Variants in TTC28 observed in about 807,000 individuals in gnomAD.
TTC28 encodes the protein tetratricopeptide repeat domain 28, also known as tetratricopeptide repeat protein 28.
Under a neutral mutation model 198.0 loss-of-function variants are expected in TTC28, and 61 were observed. The observed-to-expected ratio is 0.31, with a 90% CI of 0.25 to 0.38. The LOEUF is 0.38. Among genes scored for constraint, TTC28 ranks in the 10% least tolerant of loss-of-function variants. The pLI is 1.00. For missense variants in TTC28, 2,678 were observed against 3,164.0 expected (o/e 0.85, Z 3.69); for synonymous variants, 1,171 against 1,297.8 (o/e 0.90, Z 2.10).
Position 27,982,288 on chromosome 22 carries a change from C to T in TTC28, c.7379G>A (p.Arg2460Lys). 2.0e-6 allele frequency: 3 copies of T among 1,491,806 alleles called. No homozygotes were observed. The highest frequency in any genetic ancestry group is 2.7e-5 in the South Asian group (2 of 73,802). 92.4% of individuals were successfully genotyped at this position (1,491,806 alleles called of 1,614,324 possible). A position where few individuals can be genotyped will look rare whatever the true frequency, so the allele number is the denominator to read the frequency against. ...CTTGTAGCCATTTCCAGAAGGAAGC[C>T]TCAAAGGGCGCGCGGGGGCTGTGGC... Reference protein sequence around the residue: ...PPATAPARPLRLPSGNGYKFL... With the variant: ...PPATAPARPLKLPSGNGYKFL... The change falls in exon 23 of 23, where the codon AGG (arginine) becomes AAG (lysine). Residue 2460 changes from arginine to lysine, a missense_variant. Arg to Lys is a conservative substitution (Grantham distance 26). Transcript: ENST00000397906. The surrounding 1 kb of genome is among the most constrained non-coding windows in gnomAD (Gnocchi z 5.2).
intron 12 of TTC28, among the ~76,000 whole-genome samples, chr22:28,031,693 A>G (rs1271108212): frequency 6.6e-6 from 1 of 152,180 alleles, no homozygotes; most frequent in South Asian, 2.1e-4. Flanking sequence ...TGAATGCTCT[A>G]TGTGAACACC....
chr22:28,019,493 G>A (rs1938506231), intron 13 of TTC28, among the ~76,000 whole-genome samples: 1 of 152,166 alleles, frequency 6.6e-6, no homozygotes, highest in South Asian at 2.1e-4. Context: ...GTGGTTTTGG[G>A]CCTCTGAGTC....
chr22:28,204,597 G>C (rs939802907), intron 5 of TTC28, among the ~76,000 whole-genome samples: 1 of 151,884 alleles, frequency 6.6e-6, no homozygotes. Flanking sequence ...TCATCACTCC[G>C]TGAAAGACTA....
At chr22:28,015,353 T>A (rs1439774657) in intron 13 of TTC28, among the ~76,000 whole-genome samples, 1 of 150,320 alleles carries the variant, frequency 6.7e-6, no homozygotes, top group Non-Finnish European at 1.5e-5. Flanking sequence ...TGTGCCTGAT[T>A]ACTGGACAGA....
chr22:28,339,990 G>A (rs1368041606), intron 2 of TTC28, among the ~76,000 whole-genome samples: 1 of 152,140 alleles, frequency 6.6e-6, no homozygotes, highest in East Asian at 1.9e-4. Flanking sequence ...GCCTACGCTG[G>A]GAGCTGTAGA....
intron 12 of TTC28, among the ~76,000 whole-genome samples, chr22:28,088,060 T>A (rs550333819): frequency 1.3e-5 from 2 of 152,254 alleles, no homozygotes; most frequent in South Asian, 2.1e-4. Flanking sequence ...ATAGGAAGAA[T>A]CATTATTGTG....
At chr22:28,618,543 G>C (rs1297034875) in intron 2 of TTC28, among the ~76,000 whole-genome samples, 1 of 151,854 alleles carries the variant, frequency 6.6e-6, no homozygotes, top group African/African-American at 2.4e-5. Flanking sequence ...TTAGCCGGGC[G>C]TGGTAGCGCA....
rs570359760 is a variant in TTC28 at position 28,279,173 on chromosome 22, T to C, written c.933+17025A>G. ...TAAGATTCTACAACTCCTAACATTT[T>C]GCTAAATGTGCTTTATAACATATCT... is the stretch of plus-strand genomic sequence containing the variant. On this transcript the variant is annotated intron_variant, in intron 5 of 22. Coordinates refer to ENST00000397906, the MANE Select transcript of TTC28 (RefSeq NM_001145418.2). Among the ~76,000 whole-genome samples, 45 of 152,346 alleles carry C rather than the reference T, an allele frequency of 3.0e-4. No homozygotes were observed. The South Asian group carries it at 5.0e-3, about 17-fold the overall frequency.
At chr22:28,525,850 A>C (rs1484983174) in intron 2 of TTC28, among the ~76,000 whole-genome samples, 1 of 152,258 alleles carries the variant, frequency 6.6e-6, no homozygotes, top group African/African-American at 2.4e-5. Context: ...CATAAGTAAC[A>C]GGACTTAAAA....
intron 19 of TTC28, 62 bp downstream of exon 19, chr22:27,992,525 C>T: frequency 9.2e-6 from 14 of 1,522,006 alleles, no homozygotes; most frequent in South Asian, 1.2e-5. Context: ...GGCCAAGTTG[C>T]TCTGCCTTTC....
chr22:28,633,491 G>A (rs2051214226), intron 1 of TTC28, among the ~76,000 whole-genome samples: 1 of 151,628 alleles, frequency 6.6e-6, no homozygotes, highest in South Asian at 2.1e-4. Context: ...TAGCTGAGTG[G>A]GTGACACGCA....
intron 2 of TTC28, among the ~76,000 whole-genome samples, chr22:28,474,180 G>A (rs1279500614): frequency 6.6e-6 from 1 of 152,128 alleles, no homozygotes; most frequent in Admixed American, 6.6e-5. Flanking sequence ...AGGAGAAGAG[G>A]CAAAGACAGC....
chr22:28,533,012 T>C (rs187620367), intron 2 of TTC28, among the ~76,000 whole-genome samples: 217 of 152,288 alleles, frequency 1.4e-3, no homozygotes, highest in Middle Eastern at 6.8e-3. Context: ...AGGGATGCCC[T>C]CTCTCACAAC....
chr22:28,144,949 G>A (rs1485457817), intron 6 of TTC28, among the ~76,000 whole-genome samples: 1 of 152,200 alleles, frequency 6.6e-6, no homozygotes, highest in Non-Finnish European at 1.5e-5. Flanking sequence ...TATGAAGTTG[G>A]GAGGAACCTG....
At chr22:28,461,781 T>C (rs1164607478) in intron 2 of TTC28, among the ~76,000 whole-genome samples, 1 of 152,176 alleles carries the variant, frequency 6.6e-6, no homozygotes, top group Non-Finnish European at 1.5e-5. Flanking sequence ...TCACCAATCC[T>C]GTCCTCCTTG....
chr22:28,106,543 A>C (rs1465658032), intron 7 of TTC28, among the ~76,000 whole-genome samples: 1 of 152,178 alleles, frequency 6.6e-6, no homozygotes, highest in East Asian at 1.9e-4. Context: ...ATATCTGTGC[A>C]AGGGACCTTG....
intron 2 of TTC28, among the ~76,000 whole-genome samples, chr22:28,455,330 T>A (rs1378703669): frequency 1.3e-5 from 2 of 152,234 alleles, no homozygotes; most frequent in Non-Finnish European, 2.9e-5. Context: ...TTCTAATTAT[T>A]TTCCTTCTTC....
intron 2 of TTC28, among the ~76,000 whole-genome samples, chr22:28,486,566 C>A (rs2048317418): frequency 6.6e-6 from 1 of 152,106 alleles, no homozygotes; most frequent in Admixed American, 6.6e-5. Flanking sequence ...TCAATACCTT[C>A]CTTGGTTGAA....
intron 12 of TTC28, among the ~76,000 whole-genome samples, chr22:28,068,950 A>AT (rs1171441814): frequency 1.3e-5 from 2 of 152,058 alleles, no homozygotes; most frequent in Admixed American, 1.3e-4. Flanking sequence ...AGATTTCTCT[A>AT]TTTTTTCATC....
Sources: allele counts gnomAD v4.1 joint callset (sites outside exome capture counted in the v4.1 genomes callset), GRCh38; gene constraint gnomAD v4.1.1; non-coding constraint Gnocchi (gnomAD v3.1); transcripts MANE v1.5; gene names NCBI Gene and HGNC (gene_info 2026-07-23, HGNC 2026-07-21).